Variants in SNX29 observed in about 807,000 individuals in gnomAD.
The protein encoded by SNX29 is sorting nexin-29.
Under a neutral mutation model 102.1 loss-of-function variants are expected in SNX29, and 78 were observed. The observed-to-expected ratio is 0.76, with a 90% CI of 0.64 to 0.92. The LOEUF is 0.92. Among genes scored for constraint, SNX29 ranks in the 40% least tolerant of loss-of-function variants. The pLI, the probability that SNX29 is intolerant of heterozygous loss-of-function variation, is 0.00. For synonymous variants in SNX29, 580 were observed against 414.5 expected, an observed-to-expected ratio of 1.40 and a Z score of -4.85; for missense variants, 1,280 against 1,061.7, an observed-to-expected ratio of 1.21 and a Z score of -2.86.
chr16:12,552,865 G>C (rs2078072165), intron 20 of SNX29, among the ~76,000 whole-genome samples: 1 of 152,234 alleles, frequency 6.6e-6, no homozygotes, highest in African/African-American at 2.4e-5. Flanking sequence ...GCAGATGGCA[G>C]GGCCTGGGGA....
intron 20 of SNX29, chr16:12,561,249 CCCACTCCA>C (rs1167013799): frequency 2.2e-5 from 5 of 230,174 alleles, no homozygotes; most frequent in Non-Finnish European, 4.3e-5. Context: ...GCCACTCCCT[CCCACTCCA>C]CAGATCCAAG....
chr16:12,504,903 A>T (rs895354502), intron 19 of SNX29, among the ~76,000 whole-genome samples: 3 of 152,106 alleles, frequency 2.0e-5, no homozygotes, highest in Admixed American at 6.5e-5. Flanking sequence ...ATAATATTTC[A>T]TTGTGTGGCT....
intron 14 of SNX29, among the ~76,000 whole-genome samples, chr16:12,241,786 A>G (rs1253795167): frequency 6.6e-6 from 1 of 152,082 alleles, no homozygotes; most frequent in Non-Finnish European, 1.5e-5. Context: ...TTGTTTCCCC[A>G]TCTCTTTCTC....
chr16:12,357,076 C>G (rs142481398), intron 16 of SNX29, among the ~76,000 whole-genome samples: 1 of 152,226 alleles, frequency 6.6e-6, no homozygotes, highest in African/African-American at 2.4e-5. Flanking sequence ...TTACAAACCA[C>G]AATGCCGTGA....
chr16:12,063,889 A>C (rs1048837701), intron 9 of SNX29, among the ~76,000 whole-genome samples: 3 of 151,822 alleles, frequency 2.0e-5, no homozygotes, highest in African/African-American at 7.3e-5. Context: ...CAAATAGCCA[A>C]AGGTTACGGG....
At position 11,979,044 on chromosome 16, in the gene SNX29, T is replaced by C. The variant is rs533558458; in HGVS notation, c.7+2231T>C. 2.6e-5 allele frequency among the ~76,000 whole-genome samples: 4 copies of C among 152,110 alleles called. No homozygotes were observed. The East Asian group carries it at 7.7e-4, about 29-fold the overall frequency. ...TAATCTCAGCACTTTGGGAGGCAGA[T>C]GCAGGCTGTCACTTGAGATCAGGAG... On this transcript the variant is annotated intron_variant, in intron 1 of 20. Transcript: ENST00000566228.
intron 14 of SNX29, among the ~76,000 whole-genome samples, chr16:12,247,240 T>C (rs1336829148): frequency 6.6e-6 from 1 of 152,128 alleles, no homozygotes; most frequent in Non-Finnish European, 1.5e-5. Flanking sequence ...GGCTGGCTCT[T>C]CAGGTGGAGA....
At chr16:12,250,565 T>C (rs1215323057) in intron 14 of SNX29, among the ~76,000 whole-genome samples, 1 of 152,206 alleles carries the variant, frequency 6.6e-6, no homozygotes. Flanking sequence ...GGGTACTGGC[T>C]CGAAGCACAA....
chr16:12,035,091 T>A (rs2057438008), intron 4 of SNX29, among the ~76,000 whole-genome samples: 1 of 152,062 alleles, frequency 6.6e-6, no homozygotes, highest in African/African-American at 2.4e-5. Context: ...CTGAGTTCCG[T>A]GGGTCCTTTG....
chr16:12,525,293 A>G (rs1033660260), intron 20 of SNX29, among the ~76,000 whole-genome samples: 2 of 152,000 alleles, frequency 1.3e-5, no homozygotes, highest in Admixed American at 1.3e-4. Context: ...ATGAACATTA[A>G]TATTATTTAA....
intron 14 of SNX29, among the ~76,000 whole-genome samples, chr16:12,230,852 G>A (rs2077748619): frequency 6.6e-6 from 1 of 150,678 alleles, no homozygotes; most frequent in Admixed American, 6.6e-5. Context: ...ATGTATATAT[G>A]TATGTACTTA....
intron 15 of SNX29, among the ~76,000 whole-genome samples, chr16:12,286,884 A>T (rs1273276265): frequency 2.6e-5 from 4 of 152,214 alleles, no homozygotes; most frequent in African/African-American, 4.8e-5. Context: ...TTTAAAAGAT[A>T]AGAGGTCTTT....
chr16:12,238,729 G>A (rs985832392), intron 14 of SNX29, among the ~76,000 whole-genome samples: 2 of 152,230 alleles, frequency 1.3e-5, no homozygotes, highest in African/African-American at 4.8e-5. Flanking sequence ...ATTGTGCTTG[G>A]CTGCTGGTAA....
chr16:12,016,795 A>C (rs2056860640), intron 3 of SNX29, among the ~76,000 whole-genome samples: 1 of 151,860 alleles, frequency 6.6e-6, no homozygotes, highest in Admixed American at 6.6e-5. Flanking sequence ...GATTTCCTAG[A>C]AGTGGGATTG....
intron 20 of SNX29, among the ~76,000 whole-genome samples, chr16:12,544,791 G>C (rs958818616): frequency 6.6e-6 from 1 of 152,198 alleles, no homozygotes; most frequent in Admixed American, 6.5e-5. Flanking sequence ...GCAGAGCCAG[G>C]ATTCTAGAGA....
rs529029389 is a variant in SNX29, at chr16:12,535,763, C to G, written c.2318+10922C>G. 2.2e-3 allele frequency among the ~76,000 whole-genome samples: 342 copies of G among 152,042 alleles called. 2 individuals carry two copies. The Middle Eastern group carries it at 0.031, about 14-fold the overall frequency. On this transcript the variant is annotated intron_variant, in intron 20 of 20. Coordinates refer to ENST00000566228, the MANE Select transcript of SNX29 (RefSeq NM_032167.5). ...ACGCTCGTCTTCCACCACTGTGTGT[C>G]TCCTCTGGAGGTCCTCAGAGTATAG...
At chr16:12,063,783 T>G (rs1328311885) in intron 9 of SNX29, among the ~76,000 whole-genome samples, 1 of 151,464 alleles carries the variant, frequency 6.6e-6, no homozygotes. Context: ...CTCATGGGTC[T>G]CAGTTGAGGT....
intron 20 of SNX29, among the ~76,000 whole-genome samples, chr16:12,532,328 C>G (rs991171592): frequency 1.3e-5 from 2 of 152,194 alleles, no homozygotes; most frequent in Non-Finnish European, 1.5e-5. Context: ...CGTCATGAGC[C>G]TTGCTAGCAG....
At chr16:12,525,285 G>T (rs1295159275) in intron 20 of SNX29, among the ~76,000 whole-genome samples, 1 of 149,908 alleles carries the variant, frequency 6.7e-6, no homozygotes, top group Admixed American at 6.6e-5. Flanking sequence ...ACTTAAAAAT[G>T]AACATTAATA....
Sources: allele counts gnomAD v4.1 joint callset (sites outside exome capture counted in the v4.1 genomes callset), GRCh38; gene constraint gnomAD v4.1.1; transcripts MANE v1.5; gene names NCBI Gene and HGNC (gene_info 2026-07-23, HGNC 2026-07-21).